Variants in KCND2 observed in about 807,000 individuals in gnomAD.
KCND2 encodes potassium voltage-gated channel subfamily D member 2.
KCND2 carries 16 observed loss-of-function variants against 54.4 expected under a neutral mutation model. The observed-to-expected ratio is 0.29, with a 90% confidence interval of 0.20 to 0.45. The LOEUF (loss-of-function observed/expected upper bound fraction) is 0.45. Ranked by LOEUF, KCND2 falls within the 20% of genes least tolerant of loss-of-function variation. The probability of loss-of-function intolerance (pLI) is 1.00; values close to 1 mark genes in which losing one functional copy is unlikely to be tolerated. For synonymous variants in KCND2, 317 were observed against 310.7 expected (o/e 1.02, Z -0.21); for missense variants, 486 against 824.2 (o/e 0.59, Z 5.02).
intron 1 of KCND2, among the ~76,000 whole-genome samples, chr7:120,563,596 G>GA (rs1175245038): frequency 1.3e-5 from 2 of 152,080 alleles, no homozygotes; most frequent in African/African-American, 4.8e-5. Flanking sequence ...ATCAACAGAT[G>GA]GAAGCTCAAG....
intron 1 of KCND2, among the ~76,000 whole-genome samples, chr7:120,290,501 C>T (rs973045248): frequency 2.0e-5 from 3 of 151,898 alleles, no homozygotes; most frequent in Admixed American, 1.3e-4. Flanking sequence ...GCTATTGGCT[C>T]GTAGTTATAC....
intron 1 of KCND2, among the ~76,000 whole-genome samples, chr7:120,376,045 T>A (rs903383332): frequency 2.0e-5 from 3 of 151,820 alleles, no homozygotes; most frequent in Non-Finnish European, 4.4e-5. Context: ...CTAGGATAAG[T>A]AAATTCATGT....
intron 1 of KCND2, among the ~76,000 whole-genome samples, chr7:120,506,174 T>C (rs1315006170): frequency 1.3e-5 from 2 of 151,672 alleles, no homozygotes; most frequent in Non-Finnish European, 3.0e-5. Context: ...AGAGTAGGTA[T>C]ATTAAAAAGT....
intron 1 of KCND2, among the ~76,000 whole-genome samples, chr7:120,606,239 T>G (rs570097229): frequency 6.6e-6 from 1 of 152,326 alleles, no homozygotes; most frequent in East Asian, 1.9e-4. Flanking sequence ...CTCTGCCAAT[T>G]TTAAATTACT....
At chr7:120,741,108 A>C (rs1049372511) in intron 2 of KCND2, among the ~76,000 whole-genome samples, 5 of 151,838 alleles carry the variant, frequency 3.3e-5, no homozygotes, top group African/African-American at 4.8e-5. Flanking sequence ...TTAGTTACTA[A>C]TTTTTTTAAG....
At chr7:120,443,193 C>T (rs576344061) in intron 1 of KCND2, among the ~76,000 whole-genome samples, 1 of 151,956 alleles carries the variant, frequency 6.6e-6, no homozygotes, top group East Asian at 1.9e-4. Flanking sequence ...CCACTCTGTC[C>T]CTCAAGGCAA....
chr7:120,734,720 C>A (rs1019230728), intron 2 of KCND2, among the ~76,000 whole-genome samples: 1 of 152,070 alleles, frequency 6.6e-6, no homozygotes. Flanking sequence ...GTCATTATAT[C>A]TTTGTCCTTT....
At chr7:120,636,293 T>TAAGCA (rs1307546365) in intron 1 of KCND2, among the ~76,000 whole-genome samples, 1 of 151,990 alleles carries the variant, frequency 6.6e-6, no homozygotes, top group African/African-American at 2.4e-5. Context: ...GAGGTGATGG[T>TAAGCA]GTGTAAGGGT....
intron 1 of KCND2, among the ~76,000 whole-genome samples, chr7:120,327,215 C>T (rs944827205): frequency 2.0e-5 from 3 of 151,914 alleles, no homozygotes; most frequent in Non-Finnish European, 4.4e-5. Context: ...AGTATAGTTA[C>T]CCATGGTGAC....
intron 1 of KCND2, among the ~76,000 whole-genome samples, chr7:120,732,413 G>A (rs550458759): frequency 2.0e-5 from 3 of 152,166 alleles, no homozygotes; most frequent in Non-Finnish European, 4.4e-5. Context: ...CACAAGTGAA[G>A]GTTAATGGGG....
chr7:120,364,886 GC>G (rs1800644748), intron 1 of KCND2, among the ~76,000 whole-genome samples: 1 of 152,028 alleles, frequency 6.6e-6, no homozygotes, highest in South Asian at 2.1e-4. Context: ...GCACAGATGG[GC>G]CTAGGAGAAA....
At chr7:120,689,085 C>G (rs1158798859) in intron 1 of KCND2, among the ~76,000 whole-genome samples, 1 of 152,142 alleles carries the variant, frequency 6.6e-6, no homozygotes, top group Non-Finnish European at 1.5e-5. Context: ...ATAATACACA[C>G]AGAGTGTCAC....
chr7:120,419,758 A>G (rs1801583331), intron 1 of KCND2, among the ~76,000 whole-genome samples: 2 of 152,142 alleles, frequency 1.3e-5, no homozygotes, highest in African/African-American at 4.8e-5. Context: ...ACACAGAAAA[A>G]GATAAAAACC....
intron 1 of KCND2, among the ~76,000 whole-genome samples, chr7:120,586,473 A>T (rs1792602117): frequency 6.6e-6 from 1 of 152,198 alleles, no homozygotes; most frequent in Non-Finnish European, 1.5e-5. Flanking sequence ...ATTATCAAAA[A>T]TTATTATAAA....
At chr7:120,368,295 T>C (rs1800715851) in intron 1 of KCND2, among the ~76,000 whole-genome samples, 1 of 152,068 alleles carries the variant, frequency 6.6e-6, no homozygotes, top group African/African-American at 2.4e-5. Flanking sequence ...GAGGATAAGA[T>C]GGAGAGTTTT....
At chr7:120,292,768 A>G (rs558189157) in intron 1 of KCND2, among the ~76,000 whole-genome samples, 5 of 152,024 alleles carry the variant, frequency 3.3e-5, no homozygotes, top group Non-Finnish European at 5.9e-5. Flanking sequence ...TCATTTTCAC[A>G]TCCTTTCCAG....
chr7:120,504,785 C>T (rs1438476847), intron 1 of KCND2, among the ~76,000 whole-genome samples: 2 of 151,698 alleles, frequency 1.3e-5, no homozygotes, highest in African/African-American at 4.8e-5. Context: ...AAGATCTTTA[C>T]AATACACAGA....
intron 1 of KCND2, among the ~76,000 whole-genome samples, chr7:120,342,589 C>A (rs1368831886): frequency 6.6e-6 from 1 of 152,038 alleles, no homozygotes; most frequent in African/African-American, 2.4e-5. Context: ...TAAGGTACAA[C>A]AGTCATAAGA....
chr7:120,356,195 T>C (rs1800501747), intron 1 of KCND2, among the ~76,000 whole-genome samples: 1 of 152,122 alleles, frequency 6.6e-6, no homozygotes, highest in South Asian at 2.1e-4. Context: ...ATATGACTAA[T>C]GCTCTAATGG....
Sources: gnomAD v4.1 joint callset for allele counts (sites outside exome capture counted in the v4.1 genomes callset) on GRCh38, gnomAD v4.1.1 for gene constraint, MANE v1.5 for transcripts, NCBI Gene and HGNC (gene_info 2026-07-23, HGNC 2026-07-21) for gene names.